The following SPATA16 variants were observed in gnomAD, a reference collection of about 807,000 sequenced individuals.
SPATA16 encodes the protein spermatogenesis-associated protein 16.
Under a neutral mutation model 63.3 loss-of-function variants are expected in SPATA16, and 36 were observed. The ratio of observed to expected loss-of-function variants is 0.57; its 90% CI spans 0.44 to 0.75. The LOEUF (loss-of-function observed/expected upper bound fraction) is 0.75, where lower values mean the gene tolerates loss of function less well. Ranked by LOEUF, SPATA16 falls within the 30% of genes least tolerant of loss-of-function variation. SPATA16 has a pLI of 0.00. For missense variants in SPATA16, 646 were observed against 679.3 expected (o/e 0.95, Z 0.54); for synonymous variants, 203 against 216.7 (o/e 0.94, Z 0.56).
chr3:173,078,202 C>T (rs1168778436), intron 2 of SPATA16, among the ~76,000 whole-genome samples: 3 of 152,126 alleles, frequency 2.0e-5, no homozygotes, highest in Non-Finnish European at 2.9e-5. Flanking sequence ...TAGTAAATGA[C>T]TGAGCTTGGA....
intron 1 of SPATA16, among the ~76,000 whole-genome samples, chr3:173,120,260 A>G (rs1738026018): frequency 6.6e-6 from 1 of 152,170 alleles, no homozygotes; most frequent in Non-Finnish European, 1.5e-5. Flanking sequence ...TGGATTGAGT[A>G]AAAATAAACT....
At chr3:173,030,491 A>G (rs1163142109) in intron 3 of SPATA16, among the ~76,000 whole-genome samples, 3 of 152,058 alleles carry the variant, frequency 2.0e-5, no homozygotes, top group Non-Finnish European at 2.9e-5. Context: ...TTACATCACT[A>G]ATTGTTAGGG....
intron 8 of SPATA16, among the ~76,000 whole-genome samples, chr3:172,919,861 G>T (rs192362615): frequency 2.6e-5 from 4 of 152,032 alleles, no homozygotes; most frequent in African/African-American, 9.6e-5. Context: ...GTGTGTTTGT[G>T]TGTGTGTTTT....
At chr3:172,943,013 A>G (rs1323644416) in intron 6 of SPATA16, among the ~76,000 whole-genome samples, 1 of 152,188 alleles carries the variant, frequency 6.6e-6, no homozygotes, top group Admixed American at 6.5e-5. Context: ...CAAAATTTTT[A>G]GGGCACAACA....
chr3:173,060,808 TTTGAAA>T (rs544763440), intron 2 of SPATA16, among the ~76,000 whole-genome samples: 102 of 152,332 alleles, frequency 6.7e-4, no homozygotes, highest in Middle Eastern at 6.8e-3. Flanking sequence ...AGCACCTCTG[TTTGAAA>T]TTCAGTAGAC....
intron 2 of SPATA16, among the ~76,000 whole-genome samples, chr3:173,064,447 T>C (rs1736467526): frequency 6.6e-6 from 1 of 152,162 alleles, no homozygotes; most frequent in South Asian, 2.1e-4. Flanking sequence ...TTAAGTATTT[T>C]GGCACAAACT....
intron 6 of SPATA16, among the ~76,000 whole-genome samples, chr3:172,944,780 T>C (rs772534239): frequency 6.6e-6 from 1 of 152,134 alleles, no homozygotes; most frequent in Non-Finnish European, 1.5e-5. Flanking sequence ...AGCTGTCAAA[T>C]TCACAGAGAC....
intron 1 of SPATA16, among the ~76,000 whole-genome samples, chr3:173,138,370 G>A (rs1025531022): frequency 1.3e-5 from 2 of 152,048 alleles, no homozygotes; most frequent in Non-Finnish European, 2.9e-5. Flanking sequence ...AATAAGTAAC[G>A]AGCTAAAGGT....
chr3:172,921,423 G>A (rs1732612769), intron 8 of SPATA16, among the ~76,000 whole-genome samples: 1 of 152,152 alleles, frequency 6.6e-6, no homozygotes, highest in African/African-American at 2.4e-5. Context: ...GAGGCTGCTT[G>A]TCACACGAGC....
chr3:172,924,036 A>G (rs914683457), intron 8 of SPATA16, among the ~76,000 whole-genome samples, 172 bp downstream of exon 8: 2 of 152,222 alleles, frequency 1.3e-5, no homozygotes, highest in Non-Finnish European at 2.9e-5. Flanking sequence ...ATGTTTTAGA[A>G]TAACAGAAAT....
At chr3:172,937,035 A>G (rs547960982) in intron 6 of SPATA16, among the ~76,000 whole-genome samples, 2 of 152,320 alleles carry the variant, frequency 1.3e-5, no homozygotes, top group African/African-American at 2.4e-5. Flanking sequence ...CTGAGCCTTT[A>G]ACCTACAGGG....
At chr3:172,981,840 C>G (rs1280472149) in intron 4 of SPATA16, among the ~76,000 whole-genome samples, 2 of 152,192 alleles carry the variant, frequency 1.3e-5, no homozygotes, top group African/African-American at 2.4e-5. Flanking sequence ...TTATAAATAA[C>G]GTGTTAACGG....
At chr3:173,107,590 G>A (rs1461745663) in intron 2 of SPATA16, among the ~76,000 whole-genome samples, 1 of 152,022 alleles carries the variant, frequency 6.6e-6, no homozygotes, top group South Asian at 2.1e-4. Flanking sequence ...ACATAATTTA[G>A]TAGAAGTTGA....
intron 2 of SPATA16, among the ~76,000 whole-genome samples, chr3:173,071,823 G>T (rs183827040): frequency 6.6e-6 from 1 of 152,038 alleles, no homozygotes; most frequent in Non-Finnish European, 1.5e-5. Context: ...AATGCTCAAC[G>T]TCACTAATCA....
intron 8 of SPATA16, among the ~76,000 whole-genome samples, chr3:172,922,283 C>T (rs1161584500): frequency 6.6e-6 from 1 of 152,156 alleles, no homozygotes; most frequent in African/African-American, 2.4e-5. Context: ...ACTGTTATTT[C>T]CCTTAAAAGC....
chr3:173,018,273 ATTT>A (rs72021279), intron 4 of SPATA16, among the ~76,000 whole-genome samples: 4 of 137,682 alleles, frequency 2.9e-5, no homozygotes, highest in Admixed American at 7.3e-5. Flanking sequence ...CACAATGTCA[ATTT>A]TTTTTTTTTT....
chr3:173,001,277 T>G (rs73175099), intron 4 of SPATA16, among the ~76,000 whole-genome samples: 2,586 of 151,802 alleles, frequency 0.017, 47 homozygotes, highest in Non-Finnish European at 0.028. Context: ...TGTTTTTTTT[T>G]TTTTGTTTTC....
chr3:173,140,404 T>C lies in SPATA16; in HGVS notation c.-19+699A>G, dbSNP rs28533554. On this transcript the variant is annotated intron_variant, in intron 1 of 10. Coordinates refer to ENST00000351008, the MANE Select transcript of SPATA16 (RefSeq NM_031955.6). ...AAACAAAGCTGGAACCTATTTTTAA[T>C]TGCTCACGCTGAACAACCTTTGAAC... Among the ~76,000 whole-genome samples the C allele has an allele frequency of 4.1e-3, 627 of 152,346 alleles. 3 individuals carry two copies. Among genetic ancestry groups the C allele is most frequent in the African/African-American group, 0.015 (603 of 41,582 alleles).
chr3:172,969,072 A>G (rs1027049719), intron 5 of SPATA16, among the ~76,000 whole-genome samples: 2 of 152,196 alleles, frequency 1.3e-5, no homozygotes, highest in Non-Finnish European at 2.9e-5. Context: ...TCAATAGACA[A>G]ATTTCTTTGT....
Sources: allele counts gnomAD v4.1 joint callset (sites outside exome capture counted in the v4.1 genomes callset), GRCh38; gene constraint gnomAD v4.1.1; transcripts MANE v1.5; gene names NCBI Gene and HGNC (gene_info 2026-07-23, HGNC 2026-07-21).